TMEM200A: variants seen among roughly 807,000 people sequenced by gnomAD.
TMEM200A encodes transmembrane protein 200A, also known as two transmembrane C.
In TMEM200A, 12 loss-of-function variants were observed where a neutral mutation model predicts 24.3. The observed-to-expected ratio is 0.49, with a 90% CI of 0.32 to 0.80. TMEM200A has a LOEUF of 0.80. Ranked by LOEUF, TMEM200A falls within the 30% of genes least tolerant of loss-of-function variation. TMEM200A has a pLI of 0.04. For synonymous variants in TMEM200A, 224 were observed against 224.4 expected, an observed-to-expected ratio of 1.00 and a Z score of 0.02; for missense variants, 545 against 614.4, an observed-to-expected ratio of 0.89 and a Z score of 1.19.
intron 1 of TMEM200A, among the ~76,000 whole-genome samples, chr6:130,378,795 T>C (rs1037275979): frequency 1.4e-4 from 21 of 152,258 alleles, no homozygotes; most frequent in African/African-American, 4.6e-4. Flanking sequence ...AGAGATATTT[T>C]ACTTTGGATG....
intron 2 of TMEM200A, among the ~76,000 whole-genome samples, chr6:130,411,105 G>A (rs2115159107): frequency 6.6e-6 from 1 of 151,992 alleles, no homozygotes; most frequent in Admixed American, 6.6e-5. Flanking sequence ...GGAGGCAGAG[G>A]TTGCAGTGAG....
In TMEM200A at chr6:130,398,956, A is replaced by G. The variant is rs74784215; in HGVS notation, c.-17+13720A>G. On this transcript the variant is annotated intron_variant, in intron 2 of 2. Transcript: ENST00000296978. ...AAGTCTATCCTTTAGTAGTTATTTC[A>G]TAGTAGTTATTTCATTGATGATCCA... is the stretch of plus-strand genomic sequence containing the variant. Among the ~76,000 whole-genome samples, 13 of 151,928 alleles carry G rather than the reference A, an allele frequency of 8.6e-5. No homozygotes were observed. In the East Asian group the frequency reaches 2.3e-3, roughly 27 times the overall value.
chr6:130,404,071 T>C (rs529442745), intron 2 of TMEM200A, among the ~76,000 whole-genome samples: 74 of 152,318 alleles, frequency 4.9e-4, no homozygotes, highest in African/African-American at 1.7e-3. Flanking sequence ...ATTCAGTCTA[T>C]CATTGATGGG....
chr6:130,431,579 TG>T (rs1779875432), intron 2 of TMEM200A, among the ~76,000 whole-genome samples: 1 of 152,154 alleles, frequency 6.6e-6, no homozygotes, highest in Admixed American at 6.6e-5. Flanking sequence ...TTGAGGGAAA[TG>T]GCCTTCTAAT....
intron 2 of TMEM200A, chr6:130,438,835 G>A (rs946351730): frequency 6.6e-6 from 1 of 152,226 alleles, no homozygotes; most frequent in Non-Finnish European, 1.5e-5. Context: ...GCTGTAAGGA[G>A]TTAATGCTTG....
intron 2 of TMEM200A, among the ~76,000 whole-genome samples, chr6:130,387,879 TA>T (rs1263494073): frequency 6.6e-6 from 1 of 152,220 alleles, no homozygotes; most frequent in African/African-American, 2.4e-5. Context: ...AAAAAGCTTT[TA>T]AAATCCTGTT....
chr6:130,429,630 G>A (rs9483125), intron 2 of TMEM200A, among the ~76,000 whole-genome samples: 60,984 of 151,952 alleles, frequency 0.4, 13,660 homozygotes, highest in African/African-American at 0.6. Context: ...CAGAAAATTT[G>A]AATGCAAGGA....
chr6:130,395,664 T>C (rs527641691), intron 2 of TMEM200A, among the ~76,000 whole-genome samples: 99 of 152,350 alleles, frequency 6.5e-4, no homozygotes, highest in African/African-American at 2.4e-3. Context: ...TTCATAACAA[T>C]TGCTTTTAGA....
intron 1 of TMEM200A, among the ~76,000 whole-genome samples, chr6:130,381,080 G>A (rs1778585122): frequency 6.6e-6 from 1 of 152,194 alleles, no homozygotes; most frequent in Non-Finnish European, 1.5e-5. Flanking sequence ...ACTCTCTTAA[G>A]TTATAACTTA....
intron 2 of TMEM200A, among the ~76,000 whole-genome samples, chr6:130,397,692 G>T (rs1317061432): frequency 6.6e-6 from 1 of 151,300 alleles, no homozygotes; most frequent in Non-Finnish European, 1.5e-5. Flanking sequence ...GTTTTATTAT[G>T]ATTACTGAGG....
Position 130,441,537 on chromosome 6 carries a change from T to A in TMEM200A, c.1115T>A (p.Leu372His). ...SMALGPGAGQ[L>H]LSPGAARRQF... ...GCTCTCGGACCTGGGGCTGGACAGC[T>A]CTTGTCTCCTGGGGCTGCCAGAAGA... The change falls in exon 3 of 3, where the codon CTC (leucine) becomes CAC (histidine). Residue 372 changes from leucine (L) to histidine (H), a missense_variant. Transcript: ENST00000296978. The A allele has an allele frequency of 1.2e-6, 2 of 1,614,056 alleles. No homozygotes were observed. Among genetic ancestry groups the A allele is most frequent in the Non-Finnish European group, 1.7e-6 (2 of 1,179,990 alleles).
chr6:130,432,706 ATAACT>A lies in TMEM200A; in HGVS notation c.-16-7698_-16-7694del, dbSNP rs1307826515. ...CAACACAAAAGTAAGCATTATATACATAACTTATCTTTGAAAATTCCTTGTAGTCA... is the reference window on the plus strand; with the variant it reads ...CAACACAAAAGTAAGCATTATATACATATCTTTGAAAATTCCTTGTAGTCA... On this transcript the variant is annotated intron_variant, in intron 2 of 2. Transcript: ENST00000296978. Among the ~76,000 whole-genome samples the A allele has an allele frequency of 2.0e-5, 3 of 152,248 alleles. No individual in the cohort carries two copies. In the East Asian group the frequency reaches 5.8e-4, roughly 29 times the overall value.
intron 2 of TMEM200A, among the ~76,000 whole-genome samples, chr6:130,419,816 A>G (rs1779541821): frequency 6.6e-6 from 1 of 152,204 alleles, no homozygotes; most frequent in African/African-American, 2.4e-5. Context: ...AATACCACAG[A>G]CTAATTTATG....
intron 1 of TMEM200A, among the ~76,000 whole-genome samples, chr6:130,369,574 C>T (rs1416904815): frequency 1.3e-5 from 2 of 152,192 alleles, no homozygotes; most frequent in African/African-American, 2.4e-5. Flanking sequence ...CCTCTAAGGT[C>T]CCCCTTTCCC....
At chr6:130,418,603 G>A (rs1342261199) in intron 2 of TMEM200A, among the ~76,000 whole-genome samples, 1 of 152,088 alleles carries the variant, frequency 6.6e-6, no homozygotes, top group African/African-American at 2.4e-5. Context: ...ATTAAGGGTG[G>A]AGTTGAGATG....
intron 1 of TMEM200A, 141 bp from the exon 2 acceptor site, chr6:130,385,032 T>C (rs1354991523): frequency 6.6e-6 from 1 of 152,206 alleles, no homozygotes; most frequent in Non-Finnish European, 1.5e-5. Context: ...ATATATTCTT[T>C]TGGATATAAA....
rs1185106219 is a variant in TMEM200A at position 130,442,290 on chromosome 6, C to T, written c.*392C>T. The stretch of plus-strand genomic sequence containing the variant: ...GGAGTACAAATTCAGTCCCAATACT[C>T]AATACGTATTATAGATGACTATGAG... On this transcript the variant is annotated 3_prime_UTR_variant, in exon 3 of 3. Coordinates refer to ENST00000296978, the MANE Select transcript of TMEM200A (RefSeq NM_001258277.2). The T allele has an allele frequency of 1.1e-5, 2 of 177,644 alleles. No homozygotes were observed. The highest frequency in any genetic ancestry group is 5.9e-5 in the Admixed American group (1 of 16,934). 11.0% of individuals were successfully genotyped at this position (177,644 alleles called of 1,614,324 possible). A position where few individuals can be genotyped will look rare whatever the true frequency, so the allele number is the denominator to read the frequency against.
At chr6:130,396,215 G>T (rs921767459) in intron 2 of TMEM200A, among the ~76,000 whole-genome samples, 1 of 152,230 alleles carries the variant, frequency 6.6e-6, no homozygotes, top group South Asian at 2.1e-4. Flanking sequence ...TGTAATGGGT[G>T]CTCTGAAAAT....
intron 2 of TMEM200A, among the ~76,000 whole-genome samples, chr6:130,419,026 T>G (rs947750520): frequency 2.6e-5 from 4 of 152,192 alleles, no homozygotes; most frequent in Non-Finnish European, 5.9e-5. Flanking sequence ...TCTATCTAAC[T>G]GTATGTTTAT....
Sources: allele counts gnomAD v4.1 joint callset (sites outside exome capture counted in the v4.1 genomes callset), GRCh38; gene constraint gnomAD v4.1.1; transcripts MANE v1.5; gene names NCBI Gene and HGNC (gene_info 2026-07-23, HGNC 2026-07-21).